Variants in ATXN7L1 observed in about 807,000 individuals in gnomAD.
ATXN7L1 encodes ataxin-7-like protein 1.
ATXN7L1 carries 15 observed loss-of-function variants against 70.8 expected under a neutral mutation model. The ratio of observed to expected loss-of-function variants is 0.21; its 90% CI spans 0.14 to 0.33. The LOEUF (loss-of-function observed/expected upper bound fraction) is 0.33, where lower values mean the gene tolerates loss of function less well. Ranked by LOEUF, ATXN7L1 falls within the 10% of genes least tolerant of loss-of-function variation. ATXN7L1 has a pLI of 1.00. For missense variants in ATXN7L1, 975 were observed against 1,097.1 expected (o/e 0.89, Z 1.57); for synonymous variants, 440 against 445.1 (o/e 0.99, Z 0.14).
In ATXN7L1 at chr7:105,671,910, A is replaced by G. The variant is rs1442894676; in HGVS notation, c.356-6622T>C. Among the ~76,000 whole-genome samples, 5 of 151,356 alleles carry G rather than the reference A, an allele frequency of 3.3e-5. 1 individual carries two copies. The highest frequency in any genetic ancestry group is 2.6e-4 in the Admixed American group (4 of 15,210). The stretch of plus-strand genomic sequence containing the variant: ...GTCTCAAAAAAAAAAAAAAAAAAAA[A>G]AAAAAGAATTTTTTTTTCTTATGTG... On this transcript the variant is annotated intron_variant, in intron 3 of 11. Coordinates refer to ENST00000419735, the MANE Select transcript of ATXN7L1 (RefSeq NM_020725.2).
intron 3 of ATXN7L1, among the ~76,000 whole-genome samples, chr7:105,740,804 G>A (rs1482593622): frequency 7.7e-5 from 4 of 51,692 alleles, no homozygotes; most frequent in East Asian, 1.9e-3. Flanking sequence ...TCACTCTGTC[G>A]CCCAGGCTGG....
chr7:105,655,233 C>T (rs1800430430), intron 4 of ATXN7L1, among the ~76,000 whole-genome samples: 1 of 152,212 alleles, frequency 6.6e-6, no homozygotes, highest in Non-Finnish European at 1.5e-5. Flanking sequence ...TGTTTAAATT[C>T]CCACGGCCTC....
chr7:105,724,718 C>T (rs911179583), intron 3 of ATXN7L1, among the ~76,000 whole-genome samples: 3 of 151,892 alleles, frequency 2.0e-5, no homozygotes, highest in African/African-American at 7.3e-5. Flanking sequence ...GTGATCTTCA[C>T]TGTTCTTGGG....
At chr7:105,787,119 A>C (rs1204367) in intron 3 of ATXN7L1, among the ~76,000 whole-genome samples, 84,894 of 151,938 alleles carry the variant, frequency 0.56, 25,561 homozygotes, top group African/African-American at 0.8. Context: ...CAGGCAGTGG[A>C]GAGGGTCATT....
intron 3 of ATXN7L1, among the ~76,000 whole-genome samples, chr7:105,736,254 CAT>C (rs1411003766): frequency 6.6e-6 from 1 of 152,234 alleles, no homozygotes; most frequent in Non-Finnish European, 1.5e-5. Context: ...AAGCTGAAAA[CAT>C]AGATTGACTG....
chr7:105,825,362 G>A (rs10258171), intron 2 of ATXN7L1, among the ~76,000 whole-genome samples: 22,402 of 151,854 alleles, frequency 0.15, 1,771 homozygotes, highest in Middle Eastern at 0.22. Flanking sequence ...CAGCAGCACA[G>A]TAGGCTGAGG....
At chr7:105,708,627 G>T (rs541649641) in intron 3 of ATXN7L1, among the ~76,000 whole-genome samples, 3 of 152,320 alleles carry the variant, frequency 2.0e-5, no homozygotes, top group African/African-American at 7.2e-5. Flanking sequence ...TCACTGATGA[G>T]GTGTTAAGTT....
intron 10 of ATXN7L1, among the ~76,000 whole-genome samples, chr7:105,611,191 G>A (rs1793123460): frequency 6.6e-6 from 1 of 152,312 alleles, no homozygotes; most frequent in Admixed American, 6.5e-5. Context: ...TGCGGGTGTG[G>A]CCACTGTGCC....
At chr7:105,831,183 C>G (rs1343312184) in intron 2 of ATXN7L1, among the ~76,000 whole-genome samples, 1 of 152,222 alleles carries the variant, frequency 6.6e-6, no homozygotes, top group Admixed American at 6.5e-5. Flanking sequence ...AAGCTCCACC[C>G]TGCCTGACCA....
At chr7:105,863,376 G>A (rs898667394) in intron 2 of ATXN7L1, among the ~76,000 whole-genome samples, 9 of 152,220 alleles carry the variant, frequency 5.9e-5, no homozygotes, top group Non-Finnish European at 1.2e-4. Context: ...ACACAGTCAA[G>A]GGGGAATGAA....
intron 2 of ATXN7L1, among the ~76,000 whole-genome samples, chr7:105,828,384 C>T (rs944972553): frequency 6.6e-6 from 1 of 152,148 alleles, no homozygotes; most frequent in African/African-American, 2.4e-5. Context: ...AAGCCCAAGG[C>T]GTGGAGTTGT....
chr7:105,859,569 C>A (rs992931140), intron 2 of ATXN7L1, among the ~76,000 whole-genome samples: 2 of 151,972 alleles, frequency 1.3e-5, no homozygotes, highest in Non-Finnish European at 2.9e-5. Flanking sequence ...TGTGTTACAA[C>A]AATTACCTAC....
At chr7:105,790,604 A>ATT (rs1326733859) in intron 2 of ATXN7L1, among the ~76,000 whole-genome samples, 36 of 136,766 alleles carry the variant, frequency 2.6e-4, no homozygotes, top group Admixed American at 1.5e-3. Flanking sequence ...AAAAGAAAAA[A>ATT]ATTATCTATC....
intron 3 of ATXN7L1, among the ~76,000 whole-genome samples, chr7:105,700,209 G>A (rs535076641): frequency 1.3e-5 from 2 of 152,134 alleles, no homozygotes; most frequent in African/African-American, 4.8e-5. Context: ...GGTGGTGCTA[G>A]AAAATGACAA....
chr7:105,664,739 G>A (rs1188337038), intron 4 of ATXN7L1, among the ~76,000 whole-genome samples: 1 of 151,310 alleles, frequency 6.6e-6, no homozygotes, highest in African/African-American at 2.4e-5. Flanking sequence ...ACTAATTTTT[G>A]TATTTTTAGT....
chr7:105,613,350 A>C, intron 10 of ATXN7L1: 1 of 300,004 alleles, frequency 3.3e-6, no homozygotes, highest in Non-Finnish European at 5.0e-6. Flanking sequence ...GAAAGTGGGA[A>C]GGACAATCAC....
At chr7:105,613,112 G>GC (rs1562884928) in intron 10 of ATXN7L1, among the ~76,000 whole-genome samples, 1 of 152,156 alleles carries the variant, frequency 6.6e-6, no homozygotes, top group African/African-American at 2.4e-5. Flanking sequence ...TTCCTAAGTA[G>GC]CCCCCCAGCC....
intron 3 of ATXN7L1, among the ~76,000 whole-genome samples, chr7:105,730,033 G>C (rs779350845): frequency 6.6e-6 from 1 of 152,032 alleles, no homozygotes; most frequent in Non-Finnish European, 1.5e-5. Context: ...CACCACTCCC[G>C]GCCCCTCCCC....
chr7:105,680,986 G>T (rs1238426736), intron 3 of ATXN7L1, among the ~76,000 whole-genome samples: 1 of 152,108 alleles, frequency 6.6e-6, no homozygotes, highest in Non-Finnish European at 1.5e-5. Context: ...GTAGGCTCTT[G>T]GTAGCCTTAC....
Sources: gnomAD v4.1 joint callset for allele counts (sites outside exome capture counted in the v4.1 genomes callset) on GRCh38, gnomAD v4.1.1 for gene constraint, MANE v1.5 for transcripts, NCBI Gene and HGNC (gene_info 2026-07-23, HGNC 2026-07-21) for gene names.